The following XIRP2 variants were observed in gnomAD, a reference collection of about 807,000 sequenced individuals.
XIRP2 encodes xin actin-binding repeat-containing protein 2.
In XIRP2, 236 loss-of-function variants were observed where a neutral mutation model predicts 277.0. The observed-to-expected ratio is 0.85, with a 90% CI of 0.77 to 0.95. The LOEUF (loss-of-function observed/expected upper bound fraction) is 0.95, where lower values mean the gene tolerates loss of function less well. XIRP2 is among the 40% of genes least tolerant of loss of function. The pLI is 0.00. For synonymous variants in XIRP2, 1,490 were observed against 1,416.5 expected (o/e 1.05, Z -1.17); for missense variants, 4,640 against 4,157.5 (o/e 1.12, Z -3.19).
rs1685641348 is a variant in XIRP2 at position 166,939,700 on chromosome 2, A to AAC, written c.408+35811_408+35812insCA. Among the ~76,000 whole-genome samples the AAC allele has an allele frequency of 2.7e-5, 4 of 146,622 alleles. No homozygotes were observed. The South Asian group carries it at 8.7e-4, about 32-fold the overall frequency. ...ATCACAAAAAAAAAAAAAAAAAAAC[A>AAC]AAAAACAAAAACAAAAAACAAAACA... On this transcript the variant is annotated intron_variant, in intron 2 of 10. Transcript: ENST00000409195.
intron 5 of XIRP2, among the ~76,000 whole-genome samples, chr2:167,239,183 A>G (rs1175515596): frequency 6.6e-6 from 1 of 152,220 alleles, no homozygotes; most frequent in Admixed American, 6.5e-5. Flanking sequence ...TGGCTTGTAA[A>G]CAACAAAAAA....
intron 2 of XIRP2, among the ~76,000 whole-genome samples, chr2:167,045,054 A>G (rs972195403): frequency 1.3e-5 from 2 of 152,144 alleles, no homozygotes; most frequent in South Asian, 2.1e-4. Context: ...AGAAAAAAAC[A>G]GGTGGACCAA....
intron 1 of XIRP2, among the ~76,000 whole-genome samples, chr2:166,892,793 G>T (rs1684136052): frequency 7.2e-6 from 1 of 138,962 alleles, no homozygotes; most frequent in African/African-American, 2.8e-5. Context: ...CAGCCTCAGA[G>T]ATCATTTCAT....
intron 2 of XIRP2, among the ~76,000 whole-genome samples, chr2:166,950,510 G>A (rs11889300): frequency 0.12 from 17,879 of 151,856 alleles, 1,109 homozygotes; most frequent in Non-Finnish European, 0.13. Context: ...AAACTATAAA[G>A]GCCTTAATTA....
chr2:167,139,644 G>T (rs372383876), intron 3 of XIRP2, among the ~76,000 whole-genome samples: 3 of 152,022 alleles, frequency 2.0e-5, no homozygotes, highest in Non-Finnish European at 4.4e-5. Flanking sequence ...AGTCATTAAT[G>T]TTTCTAAAAT....
At chr2:167,066,067 T>A (rs1056614423) in intron 2 of XIRP2, among the ~76,000 whole-genome samples, 2 of 151,040 alleles carry the variant, frequency 1.3e-5, no homozygotes, top group Non-Finnish European at 3.0e-5. Context: ...GGTGTGTATG[T>A]GTGTGTGTGT....
At chr2:167,054,270 T>C (rs1004721209) in intron 2 of XIRP2, among the ~76,000 whole-genome samples, 14 of 152,336 alleles carry the variant, frequency 9.2e-5, no homozygotes, top group Admixed American at 9.1e-4. Flanking sequence ...ATAGATGCTG[T>C]GAAGATTTTG....
chr2:167,227,593 G>C (rs921481642), intron 5 of XIRP2, among the ~76,000 whole-genome samples: 7 of 152,012 alleles, frequency 4.6e-5, no homozygotes, highest in African/African-American at 1.7e-4. Context: ...TGTAGTCCCA[G>C]CTACTCAGGA....
In XIRP2 at chr2:167,247,433, C is replaced by T. The variant is rs186241761; in HGVS notation, c.6041C>T (p.Thr2014Ile). 2.9e-5 allele frequency: 47 copies of T among 1,613,638 alleles called. No individual in the cohort carries two copies. The highest frequency in any genetic ancestry group is 8.0e-5 in the African/African-American group (6 of 74,982). Residue 2014 changes from threonine (T) to isoleucine (I), a missense_variant, in exon 9 of 11, where the codon ACT becomes ATT. Physicochemically the swap from Thr to Ile is moderately conservative, Grantham distance 89 (BLOSUM62 -1). Coordinates refer to ENST00000409195, the MANE Select transcript of XIRP2 (RefSeq NM_152381.6). ...SCHGNLVEER[T>I]EVNLPKAPKG... ...CATGGCAATTTAGTAGAAGAAAGAA[C>T]TGAGGTTAATCTTCCAAAAGCCCCC...
At chr2:167,167,394 C>T (rs1692556308) in intron 3 of XIRP2, among the ~76,000 whole-genome samples, 1 of 152,016 alleles carries the variant, frequency 6.6e-6, no homozygotes, top group Non-Finnish European at 1.5e-5. Flanking sequence ...ATCAGTTGCT[C>T]CTGTTGTTTT....
intron 10 of XIRP2, 67 bp downstream of exon 10, chr2:167,254,232 T>C (rs1345892387): frequency 7.1e-7 from 1 of 1,412,988 alleles, no homozygotes; most frequent in Non-Finnish European, 9.3e-7. Flanking sequence ...GCCTCATATC[T>C]CTAGGAGGAT....
chr2:166,954,363 G>A (rs138649964), intron 2 of XIRP2, among the ~76,000 whole-genome samples: 3,607 of 151,810 alleles, frequency 0.024, 56 homozygotes, highest in Non-Finnish European at 0.036. Context: ...CAAAACCACA[G>A]TGAGATACCA....
chr2:166,967,810 G>A (rs1260188998), intron 2 of XIRP2, among the ~76,000 whole-genome samples: 1 of 151,884 alleles, frequency 6.6e-6, no homozygotes, highest in Non-Finnish European at 1.5e-5. Flanking sequence ...AAAGATGACA[G>A]TGATTATTCT....
At chr2:167,215,500 CA>C (rs1241596729) in intron 4 of XIRP2, among the ~76,000 whole-genome samples, 2 of 152,094 alleles carry the variant, frequency 1.3e-5, no homozygotes, top group African/African-American at 4.8e-5. Context: ...ACCCAAACCC[CA>C]AGATAGGCAC....
chr2:167,158,611 C>A (rs1331077337), intron 3 of XIRP2, among the ~76,000 whole-genome samples: 1 of 152,174 alleles, frequency 6.6e-6, no homozygotes, highest in Non-Finnish European at 1.5e-5. Flanking sequence ...AGCATTTTTA[C>A]AAACATGGTG....
intron 3 of XIRP2, among the ~76,000 whole-genome samples, chr2:167,160,395 T>G (rs978600216): frequency 3.3e-5 from 5 of 152,198 alleles, no homozygotes; most frequent in Non-Finnish European, 7.3e-5. Flanking sequence ...TTTAACCAGT[T>G]TATTAGTCTG....
intron 3 of XIRP2, among the ~76,000 whole-genome samples, chr2:167,166,838 G>A (rs1429624308): frequency 6.6e-6 from 1 of 152,104 alleles, no homozygotes; most frequent in South Asian, 2.1e-4. Context: ...AGATTTGGGA[G>A]GGACAAACAT....
At chr2:167,190,967 C>T (rs113812197) in intron 3 of XIRP2, among the ~76,000 whole-genome samples, 8 of 151,920 alleles carry the variant, frequency 5.3e-5, no homozygotes, top group African/African-American at 1.4e-4. Context: ...TTTGGAAGGC[C>T]GAGGCAGGCA....
At chr2:167,074,753 C>T (rs1327001637) in intron 2 of XIRP2, among the ~76,000 whole-genome samples, 1 of 152,028 alleles carries the variant, frequency 6.6e-6, no homozygotes, top group Non-Finnish European at 1.5e-5. Context: ...GATCGTCCCA[C>T]TTCAGCCTCC....
Sources: gnomAD v4.1 joint callset for allele counts (sites outside exome capture counted in the v4.1 genomes callset) on GRCh38, gnomAD v4.1.1 for gene constraint, MANE v1.5 for transcripts, NCBI Gene and HGNC (gene_info 2026-07-23, HGNC 2026-07-21) for gene names.